Variants in COL4A5 observed in about 807,000 individuals in gnomAD.
COL4A5 encodes the protein collagen alpha-5(IV) chain.
COL4A5 carries 26 observed loss-of-function variants against 130.2 expected under a neutral mutation model. That is an observed-to-expected ratio of 0.20 (90% CI 0.15 to 0.28). The LOEUF (loss-of-function observed/expected upper bound fraction) is 0.28. Among genes scored for constraint, COL4A5 ranks in the 10% least tolerant of loss-of-function variants. COL4A5 has a pLI of 1.00. For synonymous variants in COL4A5, 496 were observed against 439.6 expected (o/e 1.13, Z -1.60); for missense variants, 1,131 against 1,344.3 (o/e 0.84, Z 2.48).
rs1421624790 is a variant in COL4A5, at chrX:108,680,730, C to T, written c.3994C>T (p.Pro1332Ser). ...TGGAATGAAAGGAGATCCTGGTCTC[C>T]CTGGTGTTCCAGGATTCCCAGGTAT... The part of the protein sequence containing the change: ...LNGMKGDPGL[P>S]GVPGFPGMKG... Residue 1332 changes from proline (P) to serine (S), a missense_variant, in exon 45 of 53, where the codon CCT becomes TCT. Physicochemically the swap from Pro to Ser is moderately conservative, Grantham distance 74. Coordinates refer to ENST00000328300, the MANE Select transcript of COL4A5 (RefSeq NM_033380.3). The T allele has an allele frequency of 8.3e-7, 1 of 1,210,435 alleles. No homozygotes were observed. The highest frequency in any genetic ancestry group is 1.7e-5 in the African/African-American group (1 of 57,703).
intron 2 of COL4A5, among the ~76,000 whole-genome samples, chrX:108,555,749 T>C (rs1366384645): frequency 8.9e-6 from 1 of 111,906 alleles, no homozygotes; most frequent in Admixed American, 9.5e-5. Flanking sequence ...TTCCTGAAGA[T>C]GGTAACACTT....
chrX:108,521,289 G>A (rs974888011), intron 1 of COL4A5, among the ~76,000 whole-genome samples: 5 of 110,437 alleles, frequency 4.5e-5, no homozygotes, highest in East Asian at 2.8e-4. Context: ...AAAATTTTCC[G>A]TGGATCTTTC....
In COL4A5 at chrX:108,497,576, C is replaced by A. The variant is rs774283811; in HGVS notation, c.82-42170C>A. Among the ~76,000 whole-genome samples, 3 of 111,391 alleles carry A rather than the reference C, an allele frequency of 2.7e-5. No individual in the cohort carries two copies. In the East Asian group the frequency reaches 8.5e-4, roughly 31 times the overall value. On this transcript the variant is annotated intron_variant, in intron 1 of 52. Coordinates refer to ENST00000328300, the MANE Select transcript of COL4A5 (RefSeq NM_033380.3). ...AGAAGTTTCACATTATCTTATTAGC[C>A]CACACCTGGCCTTTAGCAATTAGTT...
At chrX:108,632,499 A>G (rs2067279886) in intron 36 of COL4A5, among the ~76,000 whole-genome samples, 1 of 111,375 alleles carries the variant, frequency 9.0e-6, no homozygotes, top group Admixed American at 9.5e-5. Flanking sequence ...CATCATCCTG[A>G]TATCAAAGCC....
intron 6 of COL4A5, among the ~76,000 whole-genome samples, chrX:108,570,840 A>T (rs2066053323): frequency 8.9e-6 from 1 of 111,935 alleles, no homozygotes; most frequent in African/African-American, 3.2e-5. Context: ...CAGCAATTTC[A>T]GCTTTTGTTT....
chrX:108,685,672 T>G (rs1456397868), intron 47 of COL4A5, among the ~76,000 whole-genome samples: 2 of 111,944 alleles, frequency 1.8e-5, no homozygotes, highest in Non-Finnish European at 3.8e-5. Context: ...TAGAACTAAC[T>G]TCAGTCTTTT....
chrX:108,677,494 A>G lies in COL4A5; in HGVS notation c.3809-6A>G, dbSNP rs776750939. On this transcript the variant is annotated splice_polypyrimidine_tract_variant and splice_region_variant and intron_variant, in intron 43 of 52. Transcript: ENST00000328300. ...GAAATGTCGTCATTTGCTGTGGATTATTAAGGTCTACCAGGTCCAGAAGGT... is the reference window on the plus strand; with the variant it reads ...GAAATGTCGTCATTTGCTGTGGATTGTTAAGGTCTACCAGGTCCAGAAGGT... The G allele has an allele frequency of 4.9e-5, 59 of 1,205,703 alleles. No homozygotes were observed. In the South Asian group the frequency reaches 9.7e-4, roughly 20 times the overall value.
At chrX:108,493,022 GCTGAATATTATGTTAAGTACAGTTGA>G (rs1269844867) in intron 1 of COL4A5, among the ~76,000 whole-genome samples, 1 of 111,141 alleles carries the variant, frequency 9.0e-6, no homozygotes, top group Non-Finnish European at 1.9e-5. Flanking sequence ...ATTTTTATTT[GCTGAATATTATGTTAAGTACAGTTGA>G]CTATCATTTT....
chrX:108,647,420 C>T (rs941912615), intron 36 of COL4A5, among the ~76,000 whole-genome samples: 1 of 111,260 alleles, frequency 9.0e-6, no homozygotes, highest in South Asian at 3.8e-4. Context: ...GTGATTTTTG[C>T]ACATCGATTT....
At chrX:108,677,791 A>G (rs2068336404) in intron 44 of COL4A5, among the ~76,000 whole-genome samples, 158 bp downstream of exon 44, 2 of 112,514 alleles carry the variant, frequency 1.8e-5, no homozygotes, top group African/African-American at 6.4e-5. Flanking sequence ...CAAGTTTCCT[A>G]TAGTCTCCTA....
At chrX:108,535,499 A>G (rs977119185) in intron 1 of COL4A5, among the ~76,000 whole-genome samples, 1 of 111,271 alleles carries the variant, frequency 9.0e-6, no homozygotes, top group Non-Finnish European at 1.9e-5. Context: ...CTAGAAGGTC[A>G]ATGCAGTCAG....
chrX:108,695,138 A>G, intron 51 of COL4A5, 129 bp from the exon 52 acceptor site: 1 of 868,323 alleles, frequency 1.2e-6, no homozygotes, highest in Non-Finnish European at 1.7e-6. Context: ...TGTGGATACT[A>G]TTGTCTTACC....
intron 1 of COL4A5, among the ~76,000 whole-genome samples, chrX:108,520,254 A>G (rs1603262851): frequency 9.0e-6 from 1 of 111,361 alleles, no homozygotes. Flanking sequence ...ATGGTTAGAG[A>G]TCATGTTCTG....
At chrX:108,544,974 A>G (rs1414396767) in intron 2 of COL4A5, among the ~76,000 whole-genome samples, 29 of 111,023 alleles carry the variant, frequency 2.6e-4, no homozygotes, top group Non-Finnish European at 4.3e-4. Flanking sequence ...ATCATTTTTT[A>G]TTGCATCTAT....
chrX:108,552,775 A>G (rs2065771514), intron 2 of COL4A5, among the ~76,000 whole-genome samples: 1 of 112,030 alleles, frequency 8.9e-6, no homozygotes, highest in Non-Finnish European at 1.9e-5. Context: ...TGGGGCTACA[A>G]ATTTAACAAG....
chrX:108,505,003 T>C (rs761281937), intron 1 of COL4A5, among the ~76,000 whole-genome samples: 24 of 110,050 alleles, frequency 2.2e-4, no homozygotes, highest in African/African-American at 6.9e-4. Context: ...AACCAAGGAG[T>C]AGATAAAGAA....
chrX:108,589,773 A>G (rs961245355), intron 19 of COL4A5, among the ~76,000 whole-genome samples: 1 of 111,727 alleles, frequency 9.0e-6, no homozygotes, highest in Non-Finnish European at 1.9e-5. Context: ...CAAAACAACA[A>G]TAGACAATTG....
At chrX:108,622,297 A>AT (rs1466956469) in intron 32 of COL4A5, among the ~76,000 whole-genome samples, 1 of 109,561 alleles carries the variant, frequency 9.1e-6, no homozygotes, top group South Asian at 4.0e-4. Context: ...CCCGGCTAAT[A>AT]TTTTTTTGTA....
At chrX:108,487,626 A>G (rs1210398458) in intron 1 of COL4A5, among the ~76,000 whole-genome samples, 1 of 111,910 alleles carries the variant, frequency 8.9e-6, no homozygotes, top group Non-Finnish European at 1.9e-5. Flanking sequence ...ATTAAATGAG[A>G]TTGTTTATTC....
Sources: gnomAD v4.1 joint callset for allele counts (sites outside exome capture counted in the v4.1 genomes callset) on GRCh38, gnomAD v4.1.1 for gene constraint, MANE v1.5 for transcripts, NCBI Gene and HGNC (gene_info 2026-07-23, HGNC 2026-07-21) for gene names.